The following ACACA variants were observed in gnomAD, a reference collection of about 807,000 sequenced individuals.
ACACA encodes acetyl-CoA carboxylase 1.
ACACA carries 103 observed loss-of-function variants against 296.1 expected under a neutral mutation model. That is an observed-to-expected ratio of 0.35 (90% CI 0.30 to 0.41). ACACA has a LOEUF of 0.41. Ranked by LOEUF, ACACA falls within the 10% of genes least tolerant of loss-of-function variation. The pLI is 1.00. For missense variants in ACACA, 1,554 were observed against 2,989.7 expected, an observed-to-expected ratio of 0.52 and a Z score of 11.20; for synonymous variants, 953 against 1,038.6, an observed-to-expected ratio of 0.92 and a Z score of 1.58.
intron 1 of ACACA, among the ~76,000 whole-genome samples, chr17:37,346,427 T>C (rs4795193): frequency 0.36 from 54,574 of 151,444 alleles, 13,014 homozygotes; most frequent in African/African-American, 0.67. Context: ...TGAGACCAGG[T>C]GTGGTGGCTC....
rs2082269467 is a variant in ACACA at position 37,275,982 on chromosome 17, T to C, written c.870A>G (p.Ala290=). The change falls in exon 8 of 56, where the codon GCA becomes GCG. Residue 290 remains alanine, a synonymous_variant. Coordinates refer to ENST00000616317, the MANE Select transcript of ACACA (RefSeq NM_198834.3). The part of the protein sequence containing the change: ...KIASSIVAQT[A]GIPTLPWSGS... Reference sequence around the variant, plus strand: ...CGCTCCAGGGAAGAGTTGGGATACCTGCAGTTTGAGCCACTATGGAAGATG... The same window carrying C: ...CGCTCCAGGGAAGAGTTGGGATACCCGCAGTTTGAGCCACTATGGAAGATG... 1.2e-6 allele frequency: 2 copies of C among 1,614,134 alleles called. No individual in the cohort carries two copies. Among genetic ancestry groups the C allele is most frequent in the East Asian group, 2.2e-5 (1 of 44,898 alleles).
At chr17:37,099,132 A>T (rs1264195182) in intron 52 of ACACA, among the ~76,000 whole-genome samples, 2 of 152,190 alleles carry the variant, frequency 1.3e-5, no homozygotes, top group African/African-American at 4.8e-5. Context: ...ACCACAATGA[A>T]TCATATGCCA....
rs2072148211 is a variant in ACACA at position 37,085,635 on chromosome 17, C to CCTGCTGAACACCTGTACCTT, written c.*1680_*1681insAAGGTACAGGTGTTCAGCAG. On this transcript the variant is annotated 3_prime_UTR_variant, in exon 56 of 56. Coordinates refer to ENST00000616317, the MANE Select transcript of ACACA (RefSeq NM_198834.3). ...AGGTGCTGAACACCTGTACCTTCCA[C>CCTGCTGAACACCTGTACCTT]CAGGGCAGCCGGGCTGAGGCTCTGA... 1 of 399,036 alleles carries CCTGCTGAACACCTGTACCTT rather than the reference C, an allele frequency of 2.5e-6. No homozygotes were observed. The highest frequency in any genetic ancestry group is 1.3e-4 in the South Asian group (1 of 7,856). 24.7% of individuals were successfully genotyped at this position (399,036 alleles called of 1,614,324 possible). A position where few individuals can be genotyped will look rare whatever the true frequency, so the allele number is the denominator to read the frequency against.
chr17:37,154,016 T>A (rs1001111114), intron 43 of ACACA, among the ~76,000 whole-genome samples: 3 of 152,140 alleles, frequency 2.0e-5, no homozygotes, highest in Admixed American at 6.6e-5. Flanking sequence ...TAGAAAAACA[T>A]GAGACTCTAG....
chr17:37,162,476 C>T (rs1203790349), intron 41 of ACACA: 2 of 305,788 alleles, frequency 6.5e-6, no homozygotes, highest in Non-Finnish European at 1.2e-5. Flanking sequence ...AGAGGTGGGG[C>T]CTGGTGTGAG....
chr17:37,143,703 C>G, intron 45 of ACACA: 1 of 914,946 alleles, frequency 1.1e-6, no homozygotes. Context: ...TCATCTTCTT[C>G]ATCTTCCTCC....
Position 37,161,827 on chromosome 17 carries a change from C to A in ACACA, c.5303G>T (p.Arg1768Leu). 6.2e-7 allele frequency: 1 copy of A among 1,613,724 alleles called. No individual in the cohort carries two copies. The highest frequency in any genetic ancestry group is 8.5e-7 in the Non-Finnish European group (1 of 1,179,974). Residue 1768 changes from arginine (R) to leucine (L), a missense_variant, in exon 42 of 56, where the codon CGC becomes CTC. Coordinates refer to ENST00000616317, the MANE Select transcript of ACACA (RefSeq NM_198834.3). Reference protein sequence around the residue: ...GARIGLAEEIRHMFHVAWVDP... With the variant: ...GARIGLAEEILHMFHVAWVDP... ...TACCCAGGCCACATGAAACATATGG[C>A]GAATTTCTTCTGCCAGTCCGATTCT...
At chr17:37,406,127 G>A in intron 1 of ACACA, 135 bp downstream of exon 1, 1 of 948,700 alleles carries the variant, frequency 1.1e-6, no homozygotes, top group Non-Finnish European at 1.7e-6. Flanking sequence ...AACAACAGGT[G>A]CCTACCTCAC....
chr17:37,328,690 T>C (rs1334395511), intron 3 of ACACA: 1 of 385,192 alleles, frequency 2.6e-6, no homozygotes, highest in East Asian at 3.7e-5. Context: ...TTGATATATT[T>C]AGTGTATAAA....
intron 41 of ACACA, among the ~76,000 whole-genome samples, chr17:37,171,262 A>G (rs2076872942): frequency 1.3e-5 from 2 of 152,178 alleles, no homozygotes; most frequent in Admixed American, 6.6e-5. Context: ...GCAGCAATAC[A>G]AAGAATCCAA....
Position 37,172,280 on chromosome 17 carries a change from A to ATCAAGGTTACTGAGCCTCATTT in ACACA, c.5079+6958_5079+6979dup, listed in dbSNP as rs1394003880. ...GGATGCATTAGGATTTTCAAAGTCA[A>ATCAAGGTTACTGAGCCTCATTT]TCAAGGTTACTGAGCCTCATTTTGC... On this transcript the variant is annotated intron_variant, in intron 41 of 55. Transcript: ENST00000616317. 3.9e-5 allele frequency among the ~76,000 whole-genome samples: 6 copies of ATCAAGGTTACTGAGCCTCATTT among 152,314 alleles called. No individual in the cohort carries two copies. The East Asian group carries it at 1.2e-3, about 29-fold the overall frequency.
In ACACA at chr17:37,248,567, GC is replaced by G. The variant is rs758683591; in HGVS notation, c.2163+25del. The G allele has an allele frequency of 8.5e-6, 13 of 1,535,536 alleles. No individual in the cohort carries two copies. In the African/African-American group the frequency reaches 1.6e-4, roughly 19 times the overall value. ...AGAAAGATAGCTAAAAAAGTAAGGT[GC>G]AAGCTCCAATGGGGTTCTGCATACC... is the stretch of plus-strand genomic sequence containing the variant. On this transcript the variant is annotated intron_variant, in intron 17 of 55. Coordinates refer to ENST00000616317, the MANE Select transcript of ACACA (RefSeq NM_198834.3).
At chr17:37,219,433 C>T (rs1281434582) in intron 29 of ACACA, among the ~76,000 whole-genome samples, 1 of 151,968 alleles carries the variant, frequency 6.6e-6, no homozygotes, top group Non-Finnish European at 1.5e-5. Context: ...ATTGAGGGGA[C>T]CCTCAAATTT....
chr17:37,187,643 T>C (rs2077587801), intron 39 of ACACA, among the ~76,000 whole-genome samples: 1 of 152,240 alleles, frequency 6.6e-6, no homozygotes, highest in South Asian at 2.1e-4. Flanking sequence ...ATTCTCAGTT[T>C]TCCTACCTGA....
chr17:37,238,284 CT>C (rs2080212335), intron 24 of ACACA, among the ~76,000 whole-genome samples: 1 of 145,444 alleles, frequency 6.9e-6, no homozygotes, highest in African/African-American at 2.6e-5. Context: ...TCTTTCTTTC[CT>C]CTTTTTTTTT....
intron 1 of ACACA, chr17:37,376,199 A>C (rs2049995627): frequency 6.6e-7 from 1 of 1,510,158 alleles, no homozygotes; most frequent in Admixed American, 1.7e-5. Flanking sequence ...AGAGAGGCCT[A>C]GAAAGAGTTT....
intron 10 of ACACA, among the ~76,000 whole-genome samples, chr17:37,266,636 A>T (rs2081793549): frequency 1.3e-5 from 2 of 152,112 alleles, no homozygotes; most frequent in African/African-American, 4.8e-5. Flanking sequence ...GAGACTCGGG[A>T]TGAGAAACAA....
Position 37,200,167 on chromosome 17 carries a change from A to G in ACACA, c.4130T>C (p.Val1377Ala), listed in dbSNP as rs769956207. ...LVAQKDFRKQ[V>A]NYEVDRRFHR... ...AAATCTCCGATCCACCTCATAGTTGACCTGCTTTCTGAAATCCTTTCAAAT... is the reference window on the plus strand; with the variant it reads ...AAATCTCCGATCCACCTCATAGTTGGCCTGCTTTCTGAAATCCTTTCAAAT... The change falls in exon 35 of 56, where the codon GTC (valine) becomes GCC (alanine). Residue 1377 changes from valine (V) to alanine (A), a missense_variant. Transcript: ENST00000616317. The G allele has an allele frequency of 1.7e-5, 27 of 1,608,816 alleles. No homozygotes were observed. Among genetic ancestry groups the G allele is most frequent in the Non-Finnish European group, 2.0e-5 (24 of 1,175,254 alleles).
intron 1 of ACACA, among the ~76,000 whole-genome samples, chr17:37,349,360 G>A (rs2048781451): frequency 6.9e-6 from 1 of 145,934 alleles, no homozygotes; most frequent in South Asian, 2.1e-4. Context: ...CATGCTCAGT[G>A]AAAACAACAT....
Sources: allele counts gnomAD v4.1 joint callset (sites outside exome capture counted in the v4.1 genomes callset), GRCh38; gene constraint gnomAD v4.1.1; transcripts MANE v1.5; gene names NCBI Gene and HGNC (gene_info 2026-07-23, HGNC 2026-07-21).